The following DCBLD2 variants were observed in gnomAD, a reference collection of about 807,000 sequenced individuals.
DCBLD2 encodes the protein discoidin, CUB and LCCL domain-containing protein 2.
DCBLD2 carries 54 observed loss-of-function variants against 86.8 expected under a neutral mutation model. The observed-to-expected ratio is 0.62, with a 90% confidence interval of 0.50 to 0.78. The LOEUF (loss-of-function observed/expected upper bound fraction) is 0.78, where lower values mean the gene tolerates loss of function less well. Among genes scored for constraint, DCBLD2 ranks in the 30% least tolerant of loss-of-function variants. The probability of loss-of-function intolerance (pLI) is 0.00; values close to 1 mark genes in which losing one functional copy is unlikely to be tolerated. For missense variants in DCBLD2, 908 were observed against 954.2 expected (o/e 0.95, Z 0.64); for synonymous variants, 354 against 341.3 (o/e 1.04, Z -0.41).
At chr3:98,808,382 T>C (rs571235230) in intron 12 of DCBLD2, among the ~76,000 whole-genome samples, 133 of 152,334 alleles carry the variant, frequency 8.7e-4, no homozygotes, top group African/African-American at 2.8e-3. Context: ...TCATTCCATC[T>C]GTGTAGAGAT....
Position 98,842,008 on chromosome 3 carries a change from T to C in DCBLD2, c.571+7453A>G, listed in dbSNP as rs370922470. ...TGAACCCGAGAGGCGGAGGCTGCAG[T>C]GAGCTGAGATCGTGCCACTGTACTA... is the stretch of plus-strand genomic sequence containing the variant. On this transcript the variant is annotated intron_variant, in intron 3 of 15. Coordinates refer to ENST00000326840, the MANE Select transcript of DCBLD2 (RefSeq NM_080927.4). Among the ~76,000 whole-genome samples, 39 of 152,304 alleles carry C rather than the reference T, an allele frequency of 2.6e-4. No individual in the cohort carries two copies. The East Asian group carries it at 7.1e-3, about 28-fold the overall frequency.
intron 3 of DCBLD2, among the ~76,000 whole-genome samples, chr3:98,848,674 C>T (rs1333732706): frequency 1.3e-5 from 2 of 152,112 alleles, no homozygotes; most frequent in Admixed American, 1.3e-4. Flanking sequence ...CCACATTTTC[C>T]TCCTAAACAT....
At chr3:98,891,752 T>C (rs1943665318) in intron 1 of DCBLD2, among the ~76,000 whole-genome samples, 1 of 152,164 alleles carries the variant, frequency 6.6e-6, no homozygotes, top group Non-Finnish European at 1.5e-5. Flanking sequence ...CTCTCACCTC[T>C]GTGCCACTGC....
chr3:98,892,811 A>C (rs899227079), intron 1 of DCBLD2, among the ~76,000 whole-genome samples: 1 of 152,160 alleles, frequency 6.6e-6, no homozygotes, highest in Non-Finnish European at 1.5e-5. Context: ...CCAGACCTAT[A>C]AAGCTGGCTT....
chr3:98,863,457 A>T (rs1354468616), intron 2 of DCBLD2, among the ~76,000 whole-genome samples: 1 of 152,244 alleles, frequency 6.6e-6, no homozygotes, highest in East Asian at 1.9e-4. Flanking sequence ...ACTTGACTTC[A>T]AACTATACTA....
At chr3:98,901,067 G>C in intron 1 of DCBLD2, 55 bp downstream of exon 1, 1 of 1,535,456 alleles carries the variant, frequency 6.5e-7, no homozygotes, top group Non-Finnish European at 8.7e-7. Flanking sequence ...GGGGCCAAGA[G>C]ACCCGCAGCC....
chr3:98,900,905 T>A (rs1394283658), intron 1 of DCBLD2: 22 of 767,694 alleles, frequency 2.9e-5, no homozygotes, highest in Non-Finnish European at 4.2e-5. Flanking sequence ...TTCAGAAAAA[T>A]AAATGGCCTT....
At chr3:98,885,957 C>A (rs375820040) in intron 1 of DCBLD2, among the ~76,000 whole-genome samples, 38 of 151,558 alleles carry the variant, frequency 2.5e-4, no homozygotes, top group African/African-American at 9.0e-4. Flanking sequence ...CAGGAGGTCC[C>A]TCAGAACAAA....
intron 3 of DCBLD2, among the ~76,000 whole-genome samples, chr3:98,847,041 C>T (rs1169205073): frequency 6.6e-6 from 1 of 152,002 alleles, no homozygotes; most frequent in Non-Finnish European, 1.5e-5. Flanking sequence ...ACCTATCAAC[C>T]CAAGACTTTC....
At position 98,901,332 on chromosome 3, in the gene DCBLD2, C is replaced by G. The variant is rs1943848213; in HGVS notation, c.-6G>C. The G allele has an allele frequency of 7.1e-7, 1 of 1,400,288 alleles. No homozygotes were observed. The highest frequency in any genetic ancestry group is 1.5e-5 in the African/African-American group (1 of 65,502). The allele number at this position is 1,400,288 out of a possible 1,614,324, so 86.7% of individuals were successfully genotyped here. ...ACCACCGCCCGGCTCGCCATCGCGG[C>G]GGCCGGCAGTCTGCCTGCATAGTGC... is the stretch of plus-strand genomic sequence containing the variant. On this transcript the variant is annotated 5_prime_UTR_variant, in exon 1 of 16. Transcript: ENST00000326840.
chr3:98,882,212 G>C (rs2107523238), intron 1 of DCBLD2, among the ~76,000 whole-genome samples: 1 of 152,240 alleles, frequency 6.6e-6, no homozygotes, highest in East Asian at 1.9e-4. Flanking sequence ...TAATTTATAA[G>C]TTCAAGGAGA....
At chr3:98,801,083 C>A (rs1205090639) in intron 14 of DCBLD2, among the ~76,000 whole-genome samples, 2 of 152,190 alleles carry the variant, frequency 1.3e-5, no homozygotes, top group Non-Finnish European at 2.9e-5. Flanking sequence ...TCTCCTGGCT[C>A]CTAAGAGCTG....
chr3:98,875,412 T>G (rs935804713), intron 2 of DCBLD2, among the ~76,000 whole-genome samples: 16 of 151,682 alleles, frequency 1.1e-4, no homozygotes, highest in Admixed American at 2.0e-4. Context: ...ACAACAAAAG[T>G]AGATGTGAAG....
chr3:98,887,909 T>C (rs138712145), intron 1 of DCBLD2, among the ~76,000 whole-genome samples: 396 of 152,066 alleles, frequency 2.6e-3, no homozygotes, highest in Non-Finnish European at 4.7e-3. Flanking sequence ...TGGACAAATA[T>C]ATGACATGTA....
intron 2 of DCBLD2, among the ~76,000 whole-genome samples, chr3:98,869,420 C>A (rs1943218314): frequency 6.6e-6 from 1 of 152,186 alleles, no homozygotes; most frequent in Non-Finnish European, 1.5e-5. Context: ...CAGATTATCT[C>A]TTTTGCTGTA....
chr3:98,888,023 T>G (rs756127371), intron 1 of DCBLD2, among the ~76,000 whole-genome samples: 1 of 152,022 alleles, frequency 6.6e-6, no homozygotes, highest in Non-Finnish European at 1.5e-5. Flanking sequence ...CACTGATCTT[T>G]TTCGGGTCTC....
intron 1 of DCBLD2, among the ~76,000 whole-genome samples, chr3:98,889,205 T>C (rs1375251788): frequency 2.6e-5 from 4 of 151,948 alleles, no homozygotes; most frequent in South Asian, 2.1e-4. Flanking sequence ...TTGAGCACTA[T>C]AGAAAGAGAA....
chr3:98,822,808 A>C (rs1221826482), intron 4 of DCBLD2, 67 bp from the exon 5 acceptor site: 2 of 1,363,126 alleles, frequency 1.5e-6, no homozygotes, highest in East Asian at 2.5e-5. Flanking sequence ...GCAACCCCCC[A>C]AAAATATCAC....
chr3:98,811,965 A>C (rs1941947167), intron 10 of DCBLD2, among the ~76,000 whole-genome samples: 1 of 152,206 alleles, frequency 6.6e-6, no homozygotes, highest in Admixed American at 6.5e-5. Flanking sequence ...AATGTATAAT[A>C]TTGAGATAAA....
Sources: gnomAD v4.1 joint callset for allele counts (sites outside exome capture counted in the v4.1 genomes callset) on GRCh38, gnomAD v4.1.1 for gene constraint, MANE v1.5 for transcripts, NCBI Gene and HGNC (gene_info 2026-07-23, HGNC 2026-07-21) for gene names.